PABPC4L: variants seen among roughly 807,000 people sequenced by gnomAD.
PABPC4L encodes polyadenylate-binding protein 4-like.
For synonymous variants in PABPC4L, 169 were observed against 164.1 expected, an observed-to-expected ratio of 1.03 and a Z score of -0.23; for missense variants, 452 against 451.4, an observed-to-expected ratio of 1.00 and a Z score of -0.01.
chr4:134,200,693 G>A lies in PABPC4L; in HGVS notation c.327C>T (p.Ile109=), dbSNP rs1383763205. ...AATGTTCATAAAGGGTTTTGTTATC[G>A]ATAGATTTGTCCAGATTCTTGATGA... ...NVFIKNLDKS[I]DNKTLYEHFS... is the part of the protein sequence containing the mutation. Residue 109 remains isoleucine, a synonymous_variant, in exon 2 of 2, where the codon ATC becomes ATT. Coordinates refer to ENST00000421491, the MANE Select transcript of PABPC4L (RefSeq NM_001114734.2). 14 of 1,551,502 alleles carry A rather than the reference G, an allele frequency of 9.0e-6. No individual in the cohort carries two copies. The Admixed American group carries it at 2.0e-4, about 22-fold the overall frequency.
At chr4:133,950,428 G>T in the PABPC4L span, among the ~76,000 whole-genome samples, 3 of 152,048 alleles carry the variant, frequency 2.0e-5, no homozygotes, top group Admixed American at 1.3e-4. Context: ...TTCTTTGGCA[G>T]ATCACACAAA....
chr4:134,180,699 T>G, the PABPC4L span, among the ~76,000 whole-genome samples: 1 of 151,536 alleles, frequency 6.6e-6, no homozygotes, highest in Admixed American at 6.6e-5. Flanking sequence ...AAAGAGGATG[T>G]ACAGTTGACC....
the PABPC4L span, among the ~76,000 whole-genome samples, chr4:134,110,218 G>A: frequency 6.6e-6 from 1 of 151,980 alleles, no homozygotes; most frequent in South Asian, 2.1e-4. Flanking sequence ...AATAAAGAAA[G>A]TATACTATAA....
chr4:134,195,661 T>C (rs1460708767), downstream of PABPC4L, among the ~76,000 whole-genome samples: 1 of 151,752 alleles, frequency 6.6e-6, no homozygotes, highest in African/African-American at 2.4e-5. Flanking sequence ...AGAATGCCAC[T>C]AAGAAGATAA....
the PABPC4L span, among the ~76,000 whole-genome samples, chr4:134,156,737 T>C: frequency 6.6e-6 from 1 of 151,802 alleles, no homozygotes; most frequent in African/African-American, 2.4e-5. Context: ...AGTCTAACTG[T>C]GACCATATTG....
At chr4:133,969,429 A>G in the PABPC4L span, among the ~76,000 whole-genome samples, 1 of 152,150 alleles carries the variant, frequency 6.6e-6, no homozygotes, top group Non-Finnish European at 1.5e-5. Context: ...TGGCTTGACA[A>G]GTGGCATTTA....
At chr4:134,053,390 C>T in the PABPC4L span, among the ~76,000 whole-genome samples, 2 of 152,038 alleles carry the variant, frequency 1.3e-5, no homozygotes, top group African/African-American at 4.8e-5. Context: ...TAACCTGTGG[C>T]CATAAATGCT....
At chr4:134,097,039 G>A in the PABPC4L span, among the ~76,000 whole-genome samples, 1 of 151,904 alleles carries the variant, frequency 6.6e-6, no homozygotes, top group Non-Finnish European at 1.5e-5. Context: ...CAATCTGGAG[G>A]CAAGTAGTGT....
At chr4:134,081,002 AT>A in the PABPC4L span, among the ~76,000 whole-genome samples, 23 of 152,242 alleles carry the variant, frequency 1.5e-4, no homozygotes, top group African/African-American at 5.1e-4. Context: ...CTCCAAAGCA[AT>A]TTTTTTATTT....
chr4:133,987,958 C>T, the PABPC4L span, among the ~76,000 whole-genome samples: 1 of 152,108 alleles, frequency 6.6e-6, no homozygotes. Flanking sequence ...CAAACATATC[C>T]TTCTTCACAT....
At chr4:134,032,318 T>C in the PABPC4L span, among the ~76,000 whole-genome samples, 1 of 151,920 alleles carries the variant, frequency 6.6e-6, no homozygotes, top group Non-Finnish European at 1.5e-5. Context: ...TTTCTATATT[T>C]ATCAAGTCAA....
chr4:133,990,041 C>T, the PABPC4L span, among the ~76,000 whole-genome samples: 1 of 152,080 alleles, frequency 6.6e-6, no homozygotes, highest in African/African-American at 2.4e-5. Flanking sequence ...GATTCAATTA[C>T]CTCCCACCAG....
chr4:133,955,276 A>G, the PABPC4L span, among the ~76,000 whole-genome samples: 1 of 152,144 alleles, frequency 6.6e-6, no homozygotes. Context: ...TTTGAAAAAA[A>G]AAGATTTTTT....
At chr4:133,961,451 C>T in the PABPC4L span, among the ~76,000 whole-genome samples, 4 of 152,218 alleles carry the variant, frequency 2.6e-5, no homozygotes, top group Non-Finnish European at 4.4e-5. Context: ...TCACACCAGA[C>T]CAATCAGGCA....
chr4:134,041,332 C>T, the PABPC4L span, among the ~76,000 whole-genome samples: 4 of 152,208 alleles, frequency 2.6e-5, 1 homozygote, highest in South Asian at 6.2e-4. Flanking sequence ...CTCAAATGCC[C>T]ATCAATGGTA....
chr4:134,021,183 A>G, the PABPC4L span, among the ~76,000 whole-genome samples: 1 of 152,156 alleles, frequency 6.6e-6, no homozygotes, highest in East Asian at 1.9e-4. Flanking sequence ...TCACAATCAC[A>G]TATACAGGTA....
chr4:133,960,412 C>A, the PABPC4L span, among the ~76,000 whole-genome samples: 1 of 152,178 alleles, frequency 6.6e-6, no homozygotes, highest in Non-Finnish European at 1.5e-5. Context: ...AACGGAAAGA[C>A]CCTGGGAGCT....
Position 134,200,613 on chromosome 4 carries a change from G to A in PABPC4L, c.407C>T (p.Ser136Phe), listed in dbSNP as rs1729830161. Residue 136 changes from serine to phenylalanine, a missense_variant, in exon 2 of 2, where the codon TCC becomes TTC. Physicochemically the swap from Ser to Phe is radical, Grantham distance 155. Transcript: ENST00000421491. ...AAAGTGCACAAATGCATAGCCCTTG[G>A]AGCCTTGATCATCACTCATCACCTT... ...SSKVMSDDQG[S>F]KGYAFVHFQN... The A allele has an allele frequency of 3.9e-6, 6 of 1,551,632 alleles. No individual in the cohort carries two copies. Among genetic ancestry groups the A allele is most frequent in the Middle Eastern group, 1.7e-4 (1 of 5,992 alleles).
chr4:134,015,086 T>G, the PABPC4L span, among the ~76,000 whole-genome samples: 1 of 152,072 alleles, frequency 6.6e-6, no homozygotes, highest in Non-Finnish European at 1.5e-5. Context: ...TACTCCCTCC[T>G]TGGCGACTGA....
Sources: gnomAD v4.1 joint callset for allele counts (sites outside exome capture counted in the v4.1 genomes callset) on GRCh38, gnomAD v4.1.1 for gene constraint, MANE v1.5 for transcripts, NCBI Gene and HGNC (gene_info 2026-07-23, HGNC 2026-07-21) for gene names.